The following SERHL2 variants were observed in gnomAD, a reference collection of about 807,000 sequenced individuals.
SERHL2 encodes the protein serine hydrolase-like protein 2.
Under a neutral mutation model 25.5 loss-of-function variants are expected in SERHL2, and 29 were observed. The observed-to-expected ratio is 1.14, with a 90% confidence interval of 0.85 to 1.55. SERHL2 has a LOEUF of 1.55. SERHL2 is among the 40% of genes most tolerant of loss of function. SERHL2 has a pLI of 0.00. For synonymous variants in SERHL2, 95 were observed against 103.5 expected, an observed-to-expected ratio of 0.92 and a Z score of 0.50; for missense variants, 240 against 252.3, an observed-to-expected ratio of 0.95 and a Z score of 0.33.
rs1241768726 is a variant in SERHL2 at position 42,574,275 on chromosome 22, G to A, written c.*220G>A. The A allele has an allele frequency of 3.5e-6, 2 of 567,132 alleles. No homozygotes were observed. Among genetic ancestry groups the A allele is most frequent in the Non-Finnish European group, 6.2e-6 (2 of 322,564 alleles). The allele number at this position is 567,132 out of a possible 1,614,324, so 35.1% of individuals were successfully genotyped here. ...TGGGTTCCAGGGCTGCTTTCTCCTG[G>A]CTAATAATAAATATCCAGCCAGCTG... On this transcript the variant is annotated 3_prime_UTR_variant, in exon 12 of 12. Transcript: ENST00000327678.
rs1326517805 is a variant in SERHL2, at chr22:42,572,450, A to G, written c.746A>G (p.Tyr249Cys). 1 of 1,610,638 alleles carries G rather than the reference A, an allele frequency of 6.2e-7. No individual in the cohort carries two copies. The highest frequency in any genetic ancestry group is 1.7e-5 in the Admixed American group (1 of 59,960). ...TCACTTTCCAGAGCAGTCCACGGATATTTTGATTCAAGACAGAATTACTCT... is the reference window on the plus strand; with the variant it reads ...TCACTTTCCAGAGCAGTCCACGGATGTTTTGATTCAAGACAGAATTACTCT... ...HVLLIKAVHG[Y>C]FDSRQNYSEK... The change falls in exon 11 of 12, where the codon TAT becomes TGT. Residue 249 changes from tyrosine to cysteine, a missense_variant. Coordinates refer to ENST00000327678, the MANE Select transcript of SERHL2 (RefSeq NM_014509.5).
chr22:42,572,908 G>A (rs142211612), intron 11 of SERHL2: 1 of 188,656 alleles, frequency 5.3e-6, no homozygotes, highest in African/African-American at 2.4e-5. Flanking sequence ...GACCTCAGGT[G>A]ATCCGCCCAC....
chr22:42,562,305 C>A (rs530728279), intron 8 of SERHL2, among the ~76,000 whole-genome samples: 2 of 151,890 alleles, frequency 1.3e-5, no homozygotes, highest in African/African-American at 4.8e-5. Context: ...TCCCTGCCCC[C>A]ATCATCCAAC....
chr22:42,570,784 A>G lies in SERHL2; in HGVS notation c.649-337A>G, dbSNP rs949495933. Among the ~76,000 whole-genome samples, 9 of 152,074 alleles carry G rather than the reference A, an allele frequency of 5.9e-5. 1 individual carries two copies. The highest frequency in any genetic ancestry group is 4.6e-4 in the Admixed American group (7 of 15,278). The stretch of plus-strand genomic sequence containing the variant: ...AAGGGGTGTGGAAGGGCCACACCTA[A>G]GTCCTAAAATCCAGGCCCAGAAGTG... On this transcript the variant is annotated intron_variant, in intron 9 of 11. Transcript: ENST00000327678.
intron 11 of SERHL2, chr22:42,573,662 C>T (rs576038061): frequency 6.4e-5 from 30 of 469,074 alleles, no homozygotes; most frequent in South Asian, 2.5e-4. Context: ...CACAGCAACC[C>T]TGGCCTCGGC....
chr22:42,574,206 G>C lies in SERHL2; in HGVS notation c.*151G>C. 1.5e-6 allele frequency: 1 copy of C among 667,456 alleles called. No homozygotes were observed. The allele number at this position is 667,456 out of a possible 1,614,324, so 41.3% of individuals were successfully genotyped here. On this transcript the variant is annotated 3_prime_UTR_variant, in exon 12 of 12. Transcript: ENST00000327678. ...GGATGGTAGTCAGGGGAAGGAGCGA[G>C]ATTCCAACTTCAACATCTGTGACCT... is the stretch of plus-strand genomic sequence containing the variant.
At chr22:42,565,819 T>C (rs920329145) in intron 8 of SERHL2, among the ~76,000 whole-genome samples, 1 of 151,796 alleles carries the variant, frequency 6.6e-6, no homozygotes, top group Non-Finnish European at 1.5e-5. Context: ...CAAGAAAATC[T>C]TGTTGGTATA....
chr22:42,571,906 T>A (rs375068291), intron 10 of SERHL2: 3 of 114,212 alleles, frequency 2.6e-5, no homozygotes, highest in African/African-American at 1.0e-4. Flanking sequence ...AGCCAGGTCA[T>A]GGTTGCTCAG....
At chr22:42,572,339 T>A (rs1382638401) in intron 10 of SERHL2, 97 bp from the exon 11 acceptor site, 1 of 842,466 alleles carries the variant, frequency 1.2e-6, no homozygotes, top group Non-Finnish European at 1.9e-6. Context: ...CAGGCTTTGG[T>A]TTCTCCTCAG....
chr22:42,554,112 G>C, intron 1 of SERHL2, 70 bp downstream of exon 1: 1 of 1,561,856 alleles, frequency 6.4e-7, no homozygotes, highest in Non-Finnish European at 8.8e-7. Context: ...GAAGAGGGCG[G>C]GATGGAGTGG....
At chr22:42,556,691 A>C (rs1364596911) in intron 6 of SERHL2, 103 bp downstream of exon 6, 5 of 1,092,282 alleles carry the variant, frequency 4.6e-6, no homozygotes, top group African/African-American at 1.8e-5. Flanking sequence ...AAGCACGAGG[A>C]GGCGGCAGAG....
At chr22:42,563,215 G>A (rs902126738) in intron 8 of SERHL2, among the ~76,000 whole-genome samples, 2 of 140,240 alleles carry the variant, frequency 1.4e-5, no homozygotes, top group Non-Finnish European at 3.1e-5. Context: ...TGTTGTTGTT[G>A]TTGTTTTCAA....
intron 10 of SERHL2, among the ~76,000 whole-genome samples, chr22:42,572,145 C>T (rs931994998): frequency 6.6e-6 from 1 of 152,106 alleles, no homozygotes; most frequent in Non-Finnish European, 1.5e-5. Context: ...AGCGCCTGTT[C>T]AGATCCCAGC....
rs535565455 is a variant in SERHL2, at chr22:42,572,381, G to A, written c.732-55G>A. 6.1e-5 allele frequency: 82 copies of A among 1,348,516 alleles called. 1 individual carries two copies. The South Asian group carries it at 6.2e-4, about 10-fold the overall frequency. The allele number at this position is 1,348,516 out of a possible 1,614,324, so 83.5% of individuals were successfully genotyped here. ...GAACCCAGGGCAGGATGGGGGCACC[G>A]CTGGGAGGCGGTTCTAAGATGAACC... On this transcript the variant is annotated intron_variant, in intron 10 of 11. Transcript: ENST00000327678.
At chr22:42,561,641 G>A (rs536105567) in intron 8 of SERHL2, among the ~76,000 whole-genome samples, 1 of 151,902 alleles carries the variant, frequency 6.6e-6, no homozygotes, top group Admixed American at 6.5e-5. Flanking sequence ...AGAATTACCA[G>A]TTGCTCAGCT....
At chr22:42,567,844 T>A (rs899442258) in intron 9 of SERHL2, among the ~76,000 whole-genome samples, 1 of 151,438 alleles carries the variant, frequency 6.6e-6, no homozygotes, top group Non-Finnish European at 1.5e-5. Context: ...GATTCTCCTG[T>A]CTCAGCCCCC....
At chr22:42,559,724 GA>G (rs942218006) in intron 7 of SERHL2, among the ~76,000 whole-genome samples, 3 of 148,924 alleles carry the variant, frequency 2.0e-5, no homozygotes, top group Non-Finnish European at 4.5e-5. Flanking sequence ...GTCTCACAAA[GA>G]AAAAAAAAGA....
chr22:42,564,572 C>T (rs1356389914), intron 8 of SERHL2, among the ~76,000 whole-genome samples: 1 of 151,680 alleles, frequency 6.6e-6, no homozygotes, highest in Non-Finnish European at 1.5e-5. Flanking sequence ...GCTGGGATTA[C>T]AGGTGCCCAC....
At chr22:42,568,907 A>C (rs1673098456) in intron 9 of SERHL2, among the ~76,000 whole-genome samples, 1 of 151,470 alleles carries the variant, frequency 6.6e-6, no homozygotes, top group South Asian at 2.1e-4. Flanking sequence ...CGGAGATTGC[A>C]GTGAGCTGAG....
Sources: gnomAD v4.1 joint callset for allele counts (sites outside exome capture counted in the v4.1 genomes callset) on GRCh38, gnomAD v4.1.1 for gene constraint, MANE v1.5 for transcripts, NCBI Gene and HGNC (gene_info 2026-07-23, HGNC 2026-07-21) for gene names.